GALNT2: variants seen among roughly 807,000 people sequenced by gnomAD.
The protein encoded by GALNT2 is UDP-GalNAc:polypeptide N-acetylgalactosaminyltransferase 2.
Under a neutral mutation model 81.4 loss-of-function variants are expected in GALNT2, and 31 were observed. The observed-to-expected ratio is 0.38, with a 90% CI of 0.29 to 0.51. The LOEUF (loss-of-function observed/expected upper bound fraction) is 0.51, where lower values mean the gene tolerates loss of function less well. GALNT2 is among the 20% of genes least tolerant of loss of function. GALNT2 has a pLI of 0.87. For missense variants in GALNT2, 629 were observed against 765.7 expected (o/e 0.82, Z 2.11); for synonymous variants, 303 against 287.4 (o/e 1.05, Z -0.55).
intron 2 of GALNT2, among the ~76,000 whole-genome samples, chr1:230,179,255 A>C (rs1014854868): frequency 6.6e-6 from 1 of 152,180 alleles, no homozygotes. Context: ...TAAAGCTACT[A>C]TAAATATCTA....
Position 230,075,087 on chromosome 1 carries a change from G to C in GALNT2, c.126+7681G>C, listed in dbSNP as rs1308995482. On this transcript the variant is annotated intron_variant, in intron 1 of 15. Coordinates refer to ENST00000366672, the MANE Select transcript of GALNT2 (RefSeq NM_004481.5). ...GGCATCTTGGAGCAGATGCACACTT[G>C]ATAATGCTTTGATAGTAGTGCTGGT... Among the ~76,000 whole-genome samples the C allele has an allele frequency of 2.4e-5, 3 of 126,944 alleles. No individual in the cohort carries two copies. In the East Asian group the frequency reaches 7.1e-4, roughly 30 times the overall value. 83.3% of individuals were successfully genotyped at this position (126,944 alleles called of 152,430 possible). A position where few individuals can be genotyped will look rare whatever the true frequency, so the allele number is the denominator to read the frequency against.
At chr1:230,232,356 C>T (rs752567041) in intron 3 of GALNT2, among the ~76,000 whole-genome samples, 1 of 152,138 alleles carries the variant, frequency 6.6e-6, no homozygotes, top group Non-Finnish European at 1.5e-5. Flanking sequence ...TAAAATGATA[C>T]GAATGCAGCA....
chr1:230,092,892 G>A (rs1342608777), intron 1 of GALNT2, among the ~76,000 whole-genome samples: 3 of 152,192 alleles, frequency 2.0e-5, no homozygotes, highest in East Asian at 3.8e-4. Context: ...GAAGTGGATG[G>A]AGAATTAAAG....
intron 8 of GALNT2, among the ~76,000 whole-genome samples, chr1:230,246,571 G>T (rs926385709): frequency 1.3e-5 from 2 of 152,114 alleles, no homozygotes; most frequent in Non-Finnish European, 2.9e-5. Context: ...TGACAGCCTG[G>T]TCTCTTTCTG....
intron 1 of GALNT2, among the ~76,000 whole-genome samples, chr1:230,124,842 T>C (rs2102805373): frequency 6.6e-6 from 1 of 151,302 alleles, no homozygotes; most frequent in Admixed American, 6.7e-5. Flanking sequence ...TCTGGGAATG[T>C]GGTCTTTCTC....
chr1:230,085,061 G>A (rs1286632525), intron 1 of GALNT2, among the ~76,000 whole-genome samples: 1 of 152,166 alleles, frequency 6.6e-6, no homozygotes, highest in Non-Finnish European at 1.5e-5. Flanking sequence ...GTGATGCTGA[G>A]GTACAGGAGA....
In GALNT2 at chr1:230,275,462, A is replaced by T. The variant is rs1453043140; in HGVS notation, c.1560+898A>T. ...ATATATACACGCCACATATATACAT[A>T]TATACAAACACCACATATATATACA... On this transcript the variant is annotated intron_variant, in intron 15 of 15. Coordinates refer to ENST00000366672, the MANE Select transcript of GALNT2 (RefSeq NM_004481.5). This position sits in a 1 kb window ranked among gnomAD's most constrained non-coding sequence, Gnocchi z 5.5. Among the ~76,000 whole-genome samples the T allele has an allele frequency of 1.3e-5, 2 of 151,670 alleles. No homozygotes were observed. The highest frequency in any genetic ancestry group is 1.5e-5 in the Non-Finnish European group (1 of 67,830).
At chr1:230,066,883 G>A (rs1486622038), upstream of GALNT2, among the ~76,000 whole-genome samples, 1 of 151,326 alleles carries the variant, frequency 6.6e-6, no homozygotes, top group Non-Finnish European at 1.5e-5. Flanking sequence ...CCGGCGGGGG[G>A]AGCACGCTGA....
At chr1:230,165,417 T>C (rs933437713) in intron 1 of GALNT2, among the ~76,000 whole-genome samples, 3 of 152,266 alleles carry the variant, frequency 2.0e-5, no homozygotes, top group Non-Finnish European at 4.4e-5. Context: ...TTTTCTCTTA[T>C]AAATAATGCT....
Position 230,243,372 on chromosome 1 carries a change from G to A in GALNT2, c.674G>A (p.Ser225Asn). 1 of 1,612,694 alleles carries A rather than the reference G, an allele frequency of 6.2e-7. No homozygotes were observed. The highest frequency in any genetic ancestry group is 8.5e-7 in the Non-Finnish European group (1 of 1,179,944). The change falls in exon 7 of 16, where the codon AGT (serine) becomes AAT (asparagine). Residue 225 changes from serine (S) to asparagine (N), a missense_variant. Around this residue, in one of 3 missense-constraint regions of GALNT2, gnomAD observed 360 missense variants for 492.8 expected, o/e 0.73. Coordinates refer to ENST00000366672, the MANE Select transcript of GALNT2 (RefSeq NM_004481.5). This position sits in a 1 kb window ranked among gnomAD's most constrained non-coding sequence, Gnocchi z 4.2. The stretch of plus-strand genomic sequence containing the variant: ...GCCAAGGTCCTGACCTTCCTGGACA[G>A]TCACTGCGAGTGTAATGAGCACTGG... ...AQAKVLTFLD[S>N]HCECNEHWLE...
rs565966738 is a variant in GALNT2 at position 230,191,766 on chromosome 1, G to C, written c.221-11371G>C. Among the ~76,000 whole-genome samples the C allele has an allele frequency of 2.6e-5, 4 of 152,294 alleles. No homozygotes were observed. In the South Asian group the frequency reaches 8.3e-4, roughly 32 times the overall value. On this transcript the variant is annotated intron_variant, in intron 2 of 15. Transcript: ENST00000366672. The stretch of plus-strand genomic sequence containing the variant: ...GAGCCCAAGTGATCCCTATTCCTTG[G>C]CCTCCCAAAGTGCTGGGATCATAGG...
intron 1 of GALNT2, among the ~76,000 whole-genome samples, chr1:230,167,062 T>C (rs1662625014): frequency 6.6e-6 from 1 of 151,892 alleles, no homozygotes; most frequent in Non-Finnish European, 1.5e-5. Flanking sequence ...CTCAGCCCTC[T>C]TGGGGCTCTT....
intron 3 of GALNT2, among the ~76,000 whole-genome samples, chr1:230,234,483 G>A (rs1396918976): frequency 6.6e-6 from 1 of 152,180 alleles, no homozygotes; most frequent in Non-Finnish European, 1.5e-5. Context: ...ACATTGTGCA[G>A]ATAATAAATG....
chr1:230,275,905 T>C lies in GALNT2; in HGVS notation c.1560+1341T>C, dbSNP rs1666290324. 6.7e-6 allele frequency among the ~76,000 whole-genome samples: 1 copy of C among 150,254 alleles called. No individual in the cohort carries two copies. The highest frequency in any genetic ancestry group is 2.4e-5 in the African/African-American group (1 of 40,932). ...TATATACATATATAAACACCACATA[T>C]ATACATAGACACCACAGATACATAC... is the stretch of plus-strand genomic sequence containing the variant. On this transcript the variant is annotated intron_variant, in intron 15 of 15. Coordinates refer to ENST00000366672, the MANE Select transcript of GALNT2 (RefSeq NM_004481.5). This position sits in a 1 kb window ranked among gnomAD's most constrained non-coding sequence, Gnocchi z 5.5.
At chr1:230,207,467 G>A (rs913227259) in intron 3 of GALNT2, among the ~76,000 whole-genome samples, 5 of 152,130 alleles carry the variant, frequency 3.3e-5, no homozygotes, top group Non-Finnish European at 7.3e-5. Flanking sequence ...TGTATATATT[G>A]TACCAAGAAG....
chr1:230,228,278 G>A (rs1664773934), intron 3 of GALNT2, among the ~76,000 whole-genome samples: 1 of 151,978 alleles, frequency 6.6e-6, no homozygotes, highest in Non-Finnish European at 1.5e-5. Context: ...TTTTTTCATG[G>A]AACTTGAAGA....
intron 1 of GALNT2, among the ~76,000 whole-genome samples, chr1:230,156,083 A>G (rs1443495509): frequency 6.6e-6 from 1 of 151,968 alleles, no homozygotes; most frequent in African/African-American, 2.4e-5. Context: ...AGGGTGGGGA[A>G]GAGAAGAGAG....
Position 230,265,291 on chromosome 1 carries a change from A to G in GALNT2, c.1364A>G (p.Asn455Ser). ...TTTGGGGCCTTGCAGCAGGGAACTAACTGCCTCGACACTTTGGGACACTTT... is the reference window on the plus strand; with the variant it reads ...TTTGGGGCCTTGCAGCAGGGAACTAGCTGCCTCGACACTTTGGGACACTTT... ...IAFGALQQGT[N>S]CLDTLGHFAD... The change falls in exon 14 of 16, where the codon AAC (asparagine) becomes AGC (serine). Residue 455 changes from asparagine to serine, a missense_variant. Asn to Ser is a conservative substitution (Grantham distance 46). Transcript: ENST00000366672. The G allele has an allele frequency of 6.2e-7, 1 of 1,614,236 alleles. No homozygotes were observed. The highest frequency in any genetic ancestry group is 2.2e-5 in the East Asian group (1 of 44,882).
At chr1:230,269,265 C>T (rs551295104) in intron 14 of GALNT2, among the ~76,000 whole-genome samples, 1 of 149,828 alleles carries the variant, frequency 6.7e-6, no homozygotes, top group Non-Finnish European at 1.5e-5. Context: ...GGCTCACTGC[C>T]ACCTCCGCCT....
Sources: gnomAD v4.1 joint callset for allele counts (sites outside exome capture counted in the v4.1 genomes callset) on GRCh38, gnomAD v4.1.1 for gene constraint, gnomAD v4.1.1 regional missense constraint, Gnocchi (gnomAD v3.1) non-coding constraint, MANE v1.5 for transcripts, NCBI Gene and HGNC (gene_info 2026-07-23, HGNC 2026-07-21) for gene names.